Variants in MAF observed in about 807,000 individuals in gnomAD.
The protein encoded by MAF is MAF bZIP transcription factor.
In MAF, 10 loss-of-function variants were observed where a neutral mutation model predicts 22.0. The ratio of observed to expected loss-of-function variants is 0.45; its 90% CI spans 0.28 to 0.77. The LOEUF is 0.77. Among genes scored for constraint, MAF ranks in the 30% least tolerant of loss-of-function variants. The pLI, the probability that MAF is intolerant of heterozygous loss-of-function variation, is 0.12. For synonymous variants in MAF, 337 were observed against 255.8 expected (o/e 1.32, Z -3.03); for missense variants, 544 against 548.4 (o/e 0.99, Z 0.08).
chr16:79,293,317 A>G, the MAF span, among the ~76,000 whole-genome samples: 11 of 152,324 alleles, frequency 7.2e-5, no homozygotes, highest in South Asian at 2.1e-3. Context: ...GGATGGATTA[A>G]GGGACCTCAC....
downstream of MAF, among the ~76,000 whole-genome samples, chr16:79,591,873 A>C (rs1274379879): frequency 6.6e-6 from 1 of 152,250 alleles, no homozygotes; most frequent in Non-Finnish European, 1.5e-5. Flanking sequence ...ATTTATAAAT[A>C]TACTCAAATG....
chr16:79,212,151 C>A, the MAF span: 3 of 1,506,144 alleles, frequency 2.0e-6, no homozygotes, highest in Non-Finnish European at 2.6e-6. Context: ...CTCGTCCCAT[C>A]CAGCTACCAC....
At chr16:79,567,248 A>C in the MAF span, among the ~76,000 whole-genome samples, 1 of 152,016 alleles carries the variant, frequency 6.6e-6, no homozygotes, top group Non-Finnish European at 1.5e-5. Context: ...AACCCAGGAG[A>C]CAGAGGTTGC....
At chr16:79,545,615 C>T in the MAF span, among the ~76,000 whole-genome samples, 1 of 152,100 alleles carries the variant, frequency 6.6e-6, no homozygotes, top group Non-Finnish European at 1.5e-5. Flanking sequence ...CCCACCCCCC[C>T]ACAGAGGCAT....
chr16:79,264,856 G>T, the MAF span, among the ~76,000 whole-genome samples: 1 of 152,184 alleles, frequency 6.6e-6, no homozygotes, highest in African/African-American at 2.4e-5. Context: ...TTGAGTACCA[G>T]TTCCCTCCAC....
intron 1 of MAF, chr16:79,594,952 T>A: frequency 9.1e-7 from 1 of 1,097,506 alleles, no homozygotes. Flanking sequence ...AACTATATTT[T>A]CCTTCCAATC....
At chr16:79,585,318 G>C (rs1912771422), downstream of MAF, among the ~76,000 whole-genome samples, 1 of 152,152 alleles carries the variant, frequency 6.6e-6, no homozygotes, top group Non-Finnish European at 1.5e-5. Flanking sequence ...TTGAAGTGGG[G>C]AGGGGATCCA....
chr16:79,567,486 C>G, the MAF span, among the ~76,000 whole-genome samples: 8 of 152,092 alleles, frequency 5.3e-5, no homozygotes, highest in Non-Finnish European at 1.0e-4. Context: ...TTTGTTTTAT[C>G]TTTTTGCTTT....
the MAF span, among the ~76,000 whole-genome samples, chr16:79,226,712 A>T: frequency 6.6e-6 from 1 of 152,074 alleles, no homozygotes; most frequent in Admixed American, 6.6e-5. Context: ...GGACATGTGG[A>T]TGACATTTTT....
the MAF span, among the ~76,000 whole-genome samples, chr16:79,273,822 C>A: frequency 6.6e-6 from 1 of 152,152 alleles, no homozygotes; most frequent in Non-Finnish European, 1.5e-5. Context: ...CCTTGCAATT[C>A]CCATGTAATA....
the MAF span, among the ~76,000 whole-genome samples, chr16:79,389,744 A>G: frequency 6.6e-6 from 1 of 151,988 alleles, no homozygotes; most frequent in African/African-American, 2.4e-5. Flanking sequence ...TGGGAGCCCG[A>G]CGCGGGCGGA....
At chr16:79,408,307 G>C in the MAF span, among the ~76,000 whole-genome samples, 1 of 151,968 alleles carries the variant, frequency 6.6e-6, no homozygotes, top group Non-Finnish European at 1.5e-5. Flanking sequence ...CTCTGGAGTA[G>C]CTGGGATTAC....
chr16:79,247,486 G>C, the MAF span, among the ~76,000 whole-genome samples: 1 of 152,152 alleles, frequency 6.6e-6, no homozygotes, highest in Non-Finnish European at 1.5e-5. Flanking sequence ...GCCTGATTCA[G>C]TAACTGACTC....
the MAF span, among the ~76,000 whole-genome samples, chr16:79,498,081 G>A: frequency 2.6e-5 from 4 of 152,344 alleles, no homozygotes; most frequent in Non-Finnish European, 5.9e-5. Flanking sequence ...CAGCAGGACT[G>A]CTCATCTGTG....
chr16:79,544,373 C>G, the MAF span, among the ~76,000 whole-genome samples: 218 of 152,288 alleles, frequency 1.4e-3, no homozygotes, highest in African/African-American at 4.9e-3. Flanking sequence ...AGTCCATCAG[C>G]AGAGAAAGTT....
At chr16:79,473,912 C>A in the MAF span, among the ~76,000 whole-genome samples, 3 of 151,976 alleles carry the variant, frequency 2.0e-5, no homozygotes, top group Non-Finnish European at 2.9e-5. Context: ...CTTCTCATAA[C>A]GTCTCCAGGC....
chr16:79,321,005 G>C, the MAF span, among the ~76,000 whole-genome samples: 1 of 152,190 alleles, frequency 6.6e-6, no homozygotes, highest in Non-Finnish European at 1.5e-5. Context: ...TTAGACCCAG[G>C]TGACTAACTG....
chr16:79,214,538 T>C, the MAF span, among the ~76,000 whole-genome samples: 2,946 of 151,904 alleles, frequency 0.019, 26 homozygotes, highest in East Asian at 0.037. Flanking sequence ...ACCAAATAGC[T>C]GGGATTACAG....
the MAF span, among the ~76,000 whole-genome samples, chr16:79,476,367 A>T: frequency 6.6e-6 from 1 of 152,322 alleles, no homozygotes; most frequent in Admixed American, 6.5e-5. Flanking sequence ...TAGCTGCTGA[A>T]TTGATGGTGA....
Sources: allele counts gnomAD v4.1 joint callset (sites outside exome capture counted in the v4.1 genomes callset), GRCh38; gene constraint gnomAD v4.1.1; transcripts MANE v1.5; gene names NCBI Gene and HGNC (gene_info 2026-07-23, HGNC 2026-07-21).